CEP162: variants seen among roughly 807,000 people sequenced by gnomAD.
CEP162 encodes the protein centrosomal protein of 162 kDa.
CEP162 carries 141 observed loss-of-function variants against 169.2 expected under a neutral mutation model. The observed-to-expected ratio is 0.83, with a 90% confidence interval of 0.73 to 0.96. CEP162 has a LOEUF of 0.96. Among genes scored for constraint, CEP162 ranks in the 40% least tolerant of loss-of-function variants. The pLI is 0.00. For missense variants in CEP162, 1,600 were observed against 1,587.2 expected (o/e 1.01, Z -0.14); for synonymous variants, 540 against 526.4 (o/e 1.03, Z -0.35).
At chr6:84,142,324 T>C (rs1430566109) in intron 25 of CEP162, among the ~76,000 whole-genome samples, 4 of 152,254 alleles carry the variant, frequency 2.6e-5, no homozygotes, top group Non-Finnish European at 5.9e-5. Flanking sequence ...TTTTATATTA[T>C]TGTGCCTGTC....
intron 25 of CEP162, among the ~76,000 whole-genome samples, chr6:84,129,988 T>C (rs1199587752): frequency 6.6e-6 from 1 of 152,210 alleles, no homozygotes; most frequent in Non-Finnish European, 1.5e-5. Flanking sequence ...CAGCATGATA[T>C]TGGCTGTGGG....
At chr6:84,198,389 T>C (rs918399841) in intron 9 of CEP162, among the ~76,000 whole-genome samples, 1 of 152,178 alleles carries the variant, frequency 6.6e-6, no homozygotes, top group African/African-American at 2.4e-5. Flanking sequence ...GCGATTCTCC[T>C]GCCTCAGCCT....
chr6:84,153,342 C>T (rs1235366582), intron 22 of CEP162, among the ~76,000 whole-genome samples, 163 bp from the exon 23 acceptor site: 1 of 152,058 alleles, frequency 6.6e-6, no homozygotes, highest in Non-Finnish European at 1.5e-5. Flanking sequence ...GTATTGAAGT[C>T]CTAGTCTTTC....
At position 84,152,702 on chromosome 6, in the gene CEP162, G is replaced by A; in HGVS notation, c.3472C>T (p.Leu1158=). Residue 1158 remains leucine (L), a synonymous_variant, in exon 23 of 27, where the codon CTG becomes TTG. Coordinates refer to ENST00000403245, the MANE Select transcript of CEP162 (RefSeq NM_014895.4). The part of the protein sequence containing the change: ...NSFPGTLDSK[L]YQPHTFTDSH... ...TCAGTGAAAGTATGTGGTTGGTACA[G>A]CTTGCTGTCCAGGGTTCCAGGGAAG... 6.2e-7 allele frequency: 1 copy of A among 1,612,982 alleles called. No homozygotes were observed. The highest frequency in any genetic ancestry group is 1.7e-5 in the Admixed American group (1 of 59,796).
At chr6:84,129,719 G>C (rs977394570) in intron 25 of CEP162, among the ~76,000 whole-genome samples, 1 of 152,008 alleles carries the variant, frequency 6.6e-6, no homozygotes, top group Non-Finnish European at 1.5e-5. Flanking sequence ...ACTGCTTTTG[G>C]TGTTTTAGTC....
Position 84,153,074 on chromosome 6 carries a change from T to A in CEP162, c.3100A>T (p.Ile1034Phe). The change falls in exon 23 of 27, where the codon ATC becomes TTC. Residue 1034 changes from isoleucine to phenylalanine, a missense_variant. Transcript: ENST00000403245. ...ACAGTGATCTGATGGGCTTCCTTGA[T>A]GTCATCAAGTTCCTTCTCTAGGGCT... is the stretch of plus-strand genomic sequence containing the variant. ...IKALEKELDD[I>F]KEAHQITVRN... is the part of the protein sequence containing the mutation. The A allele has an allele frequency of 1.2e-6, 2 of 1,613,468 alleles. No homozygotes were observed. Among genetic ancestry groups the A allele is most frequent in the Non-Finnish European group, 1.7e-6 (2 of 1,179,684 alleles).
At chr6:84,147,836 C>G (rs1418496480) in intron 24 of CEP162, among the ~76,000 whole-genome samples, 3 of 152,068 alleles carry the variant, frequency 2.0e-5, no homozygotes, top group Non-Finnish European at 4.4e-5. Flanking sequence ...AGTCTCATAT[C>G]TTTAGGTAAA....
intron 16 of CEP162, among the ~76,000 whole-genome samples, chr6:84,172,283 C>T (rs1262964685): frequency 6.6e-6 from 1 of 152,150 alleles, no homozygotes; most frequent in Non-Finnish European, 1.5e-5. Flanking sequence ...AGAGGACAGA[C>T]CCAGTTCACC....
intron 6 of CEP162, among the ~76,000 whole-genome samples, chr6:84,206,117 T>A (rs1395602933): frequency 6.7e-6 from 1 of 149,160 alleles, no homozygotes; most frequent in African/African-American, 2.6e-5. Context: ...ATAGGAAGAA[T>A]CAATATCGTG....
At chr6:84,126,940 C>T (rs2099509178) in intron 25 of CEP162, among the ~76,000 whole-genome samples, 1 of 152,108 alleles carries the variant, frequency 6.6e-6, no homozygotes, top group South Asian at 2.1e-4. Context: ...CTGTTAACTC[C>T]CTATAATTCT....
intron 25 of CEP162, among the ~76,000 whole-genome samples, chr6:84,135,620 T>G (rs987012337): frequency 6.6e-6 from 1 of 152,138 alleles, no homozygotes; most frequent in African/African-American, 2.4e-5. Flanking sequence ...CCCAGCTCTT[T>G]GGGAGGCTGA....
chr6:84,204,347 A>C (rs1342728374), intron 6 of CEP162, among the ~76,000 whole-genome samples: 1 of 152,200 alleles, frequency 6.6e-6, no homozygotes, highest in Non-Finnish European at 1.5e-5. Context: ...TCCTCGGCAA[A>C]TGTAAAAGAA....
intron 9 of CEP162, among the ~76,000 whole-genome samples, chr6:84,196,559 A>G (rs1395015441): frequency 2.0e-5 from 3 of 152,216 alleles, no homozygotes; most frequent in Admixed American, 2.0e-4. Flanking sequence ...TGTAATTTTC[A>G]TTACTAACAA....
intron 25 of CEP162, among the ~76,000 whole-genome samples, chr6:84,138,128 T>C (rs1237866134): frequency 6.6e-6 from 1 of 152,220 alleles, no homozygotes; most frequent in Non-Finnish European, 1.5e-5. Context: ...AGTTCACTAA[T>C]GGTTTAAAAT....
rs2099541496 is a variant in CEP162, at chr6:84,194,945, T to C, written c.966A>G (p.Ser322=). The part of the protein sequence containing the change: ...ESNTVEDIKS[S]VKGHPQENEE... ...CATTTTCTTGAGGATGACCTTTCACTGAGCTCTTGATATCTTCCACTGTGT... is the reference window on the plus strand; with the variant it reads ...CATTTTCTTGAGGATGACCTTTCACCGAGCTCTTGATATCTTCCACTGTGT... The change falls in exon 10 of 27, where the codon TCA becomes TCG. Residue 322 remains serine, a synonymous_variant. Transcript: ENST00000403245. 6.2e-7 allele frequency: 1 copy of C among 1,613,586 alleles called. No homozygotes were observed. The highest frequency in any genetic ancestry group is 1.3e-5 in the African/African-American group (1 of 75,054).
intron 5 of CEP162, among the ~76,000 whole-genome samples, chr6:84,214,348 A>G (rs2099550723): frequency 6.6e-6 from 1 of 152,234 alleles, no homozygotes; most frequent in Admixed American, 6.5e-5. Flanking sequence ...GTGTGAATAC[A>G]TCCATTATGG....
intron 2 of CEP162, among the ~76,000 whole-genome samples, chr6:84,223,970 AAC>A (rs1457687954): frequency 6.6e-6 from 1 of 152,184 alleles, no homozygotes; most frequent in Non-Finnish European, 1.5e-5. Context: ...AATGTAAAAT[AAC>A]ACAGTCATTT....
chr6:84,216,071 C>G, intron 3 of CEP162, 149 bp from the exon 4 acceptor site: 7 of 908,652 alleles, frequency 7.7e-6, no homozygotes, highest in Non-Finnish European at 1.1e-5. Flanking sequence ...TCAGACCTAA[C>G]ACTCACAAAA....
chr6:84,137,019 C>A (rs2099514421), intron 25 of CEP162, among the ~76,000 whole-genome samples: 1 of 152,150 alleles, frequency 6.6e-6, no homozygotes, highest in East Asian at 1.9e-4. Flanking sequence ...GTTGTGGGAG[C>A]CACCGTGCAA....
Sources: allele counts gnomAD v4.1 joint callset (sites outside exome capture counted in the v4.1 genomes callset), GRCh38; gene constraint gnomAD v4.1.1; transcripts MANE v1.5; gene names NCBI Gene and HGNC (gene_info 2026-07-23, HGNC 2026-07-21).